Variants in NRIP1 observed in about 807,000 individuals in gnomAD.
NRIP1 encodes nuclear receptor interacting protein 1.
Under a neutral mutation model 75.0 loss-of-function variants are expected in NRIP1, and 28 were observed. The observed-to-expected ratio is 0.37, with a 90% CI of 0.28 to 0.51. The LOEUF is 0.51. Ranked by LOEUF, NRIP1 falls within the 20% of genes least tolerant of loss-of-function variation. The pLI is 0.92. For missense variants in NRIP1, 1,435 were observed against 1,343.7 expected, an observed-to-expected ratio of 1.07 and a Z score of -1.06; for synonymous variants, 526 against 487.6, an observed-to-expected ratio of 1.08 and a Z score of -1.04.
intron 1 of NRIP1, among the ~76,000 whole-genome samples, chr21:15,045,394 T>C (rs2089048728): frequency 6.6e-6 from 1 of 152,226 alleles, no homozygotes; most frequent in Non-Finnish European, 1.5e-5. Context: ...ACATAAAAGT[T>C]ATGTTTACAC....
chr21:15,028,816 C>A (rs945352395), intron 2 of NRIP1, among the ~76,000 whole-genome samples: 4 of 151,976 alleles, frequency 2.6e-5, no homozygotes, highest in African/African-American at 9.7e-5. Context: ...TGGTCAATAT[C>A]GTTCTTTTAA....
chr21:14,990,581 G>C lies in NRIP1; in HGVS notation c.-334-22055C>G, dbSNP rs151337489. Reference sequence around the variant, plus strand: ...TAACTAGAAGAAGGTAAGAGCCAGAGGGCAACAGTAAGAAACAGCCAAGAG... The same window carrying C: ...TAACTAGAAGAAGGTAAGAGCCAGACGGCAACAGTAAGAAACAGCCAAGAG... On this transcript the variant is annotated intron_variant, in intron 3 of 3. Transcript: ENST00000318948. Among the ~76,000 whole-genome samples, 1,192 of 152,286 alleles carry C rather than the reference G, an allele frequency of 7.8e-3. 11 individuals carry two copies. Among genetic ancestry groups the C allele is most frequent in the African/African-American group, 0.027 (1,127 of 41,572 alleles).
intron 3 of NRIP1, among the ~76,000 whole-genome samples, chr21:14,982,476 C>A (rs2087264619): frequency 6.6e-6 from 1 of 152,110 alleles, no homozygotes; most frequent in South Asian, 2.1e-4. Flanking sequence ...TGTTTACAGT[C>A]AAGCTAAACA....
At chr21:14,972,096 G>T (rs2086916840) in intron 3 of NRIP1, among the ~76,000 whole-genome samples, 1 of 152,140 alleles carries the variant, frequency 6.6e-6, no homozygotes, top group African/African-American at 2.4e-5. Flanking sequence ...ACCTACCACT[G>T]TTCTAGCAGA....
In NRIP1 at chr21:14,965,127, C is replaced by T; in HGVS notation, c.3066G>A (p.Gly1022=). 6.2e-7 allele frequency: 1 copy of T among 1,612,946 alleles called. No homozygotes were observed. Among genetic ancestry groups the T allele is most frequent in the Non-Finnish European group, 8.5e-7 (1 of 1,179,880 alleles). Residue 1022 remains glycine, a synonymous_variant, in exon 4 of 4, where the codon GGG becomes GGA. Transcript: ENST00000318948. ...PTFPEHLGCA[G]SRPESGLLNG... is the part of the protein sequence containing the mutation. The stretch of plus-strand genomic sequence containing the variant: ...TCAAAAGCCCAGATTCTGGTCTAGA[C>T]CCTGCACAGCCCAAGTGCTCAGGGA...
At chr21:14,971,590 T>A (rs1222307900) in intron 3 of NRIP1, 3 of 152,186 alleles carry the variant, frequency 2.0e-5, no homozygotes, top group Non-Finnish European at 4.4e-5. Context: ...ACCTTTAAGT[T>A]TCTAGAACAT....
At chr21:15,010,696 C>T (rs13050746) in intron 3 of NRIP1, among the ~76,000 whole-genome samples, 104,965 of 152,124 alleles carry the variant, frequency 0.69, 37,688 homozygotes, top group East Asian at 0.93. Context: ...GTAACACAAG[C>T]AAGCTGGAGT....
Position 14,967,518 on chromosome 21 carries a change from A to C in NRIP1, c.675T>G (p.Ser225Arg), listed in dbSNP as rs770705327. 1 of 1,614,148 alleles carries C rather than the reference A, an allele frequency of 6.2e-7. No homozygotes were observed. The highest frequency in any genetic ancestry group is 8.5e-7 in the Non-Finnish European group (1 of 1,180,012). ...FAESPHHVGQ[S>R]GTKVMSEPLS... Reference sequence around the variant, plus strand: ...ACGGTTCACTCATGACCTTTGTTCCACTTTGTCCAACATGATGAGGAGACT... The same window carrying C: ...ACGGTTCACTCATGACCTTTGTTCCCCTTTGTCCAACATGATGAGGAGACT... Residue 225 changes from serine (S) to arginine (R), a missense_variant, in exon 4 of 4, where the codon AGT (serine) becomes AGG (arginine). Transcript: ENST00000318948.
chr21:15,033,335 C>T (rs1038675491), intron 2 of NRIP1, among the ~76,000 whole-genome samples: 1 of 150,550 alleles, frequency 6.6e-6, no homozygotes. Context: ...GAATTTATTT[C>T]CATTTTACAG....
rs77448750 is a variant in NRIP1 at position 15,024,741 on chromosome 21, C to A, written c.-457-10275G>T. Among the ~76,000 whole-genome samples, 1,745 of 151,910 alleles carry A rather than the reference C, an allele frequency of 0.011. 170 individuals are homozygous for A. In the East Asian group the frequency reaches 0.24, roughly 20 times the overall value. On this transcript the variant is annotated intron_variant, in intron 2 of 3. Transcript: ENST00000318948. ...AAGAAATGATGTGGTATGGGGAATT[C>A]GAGCCCAAGCTCTAGATCTGTATTG...
In NRIP1 at chr21:14,965,278, C is replaced by T; in HGVS notation, c.2915G>A (p.Ser972Asn). ...KKGHKNNVTN[S>N]KPEFSISSLN... ...AGAAGAAATGCTAAATTCAGGTTTG[C>T]TGTTGGTCACATTATTTTTGTGTCC... The change falls in exon 4 of 4, where the codon AGC (serine) becomes AAC (asparagine). Residue 972 changes from serine to asparagine, a missense_variant. Physicochemically the swap from Ser to Asn is conservative, Grantham distance 46 (BLOSUM62 1). Transcript: ENST00000318948. 1 of 1,614,010 alleles carries T rather than the reference C, an allele frequency of 6.2e-7. No individual in the cohort carries two copies. Among genetic ancestry groups the T allele is most frequent in the Non-Finnish European group, 8.5e-7 (1 of 1,179,932 alleles).
intron 1 of NRIP1, among the ~76,000 whole-genome samples, chr21:15,056,481 C>G (rs866884926): frequency 6.6e-6 from 1 of 151,984 alleles, no homozygotes; most frequent in Non-Finnish European, 1.5e-5. Context: ...TATTTGGCTT[C>G]ACATAGATTC....
chr21:15,013,871 A>T lies in NRIP1; in HGVS notation c.-335+473T>A, dbSNP rs546093117. On this transcript the variant is annotated intron_variant, in intron 3 of 3. Coordinates refer to ENST00000318948, the MANE Select transcript of NRIP1 (RefSeq NM_003489.4). ...TATAATAAACACACAATAATCAAAC[A>T]TGCTTCTATTTTTCCTCAAAACGGT... is the stretch of plus-strand genomic sequence containing the variant. Among the ~76,000 whole-genome samples the T allele has an allele frequency of 5.1e-4, 78 of 152,324 alleles. 2 individuals carry two copies. The highest frequency in any genetic ancestry group is 2.7e-3 in the South Asian group (13 of 4,830).
intron 2 of NRIP1, among the ~76,000 whole-genome samples, chr21:15,020,318 C>T (rs1471546204): frequency 6.6e-6 from 1 of 152,096 alleles, no homozygotes; most frequent in African/African-American, 2.4e-5. Context: ...ATTTGATTTT[C>T]GACAAATATG....
chr21:15,019,580 C>G (rs544234529), intron 2 of NRIP1, among the ~76,000 whole-genome samples: 2 of 143,242 alleles, frequency 1.4e-5, no homozygotes, highest in South Asian at 2.3e-4. Context: ...CCTCTGCCTC[C>G]CAGGTTCAAG....
intron 1 of NRIP1, among the ~76,000 whole-genome samples, chr21:15,047,307 C>T (rs1414124839): frequency 1.3e-5 from 2 of 151,988 alleles, no homozygotes; most frequent in Non-Finnish European, 2.9e-5. Flanking sequence ...TTTGGGAGGC[C>T]GAGGCAGGCA....
intron 3 of NRIP1, among the ~76,000 whole-genome samples, chr21:14,973,614 G>T (rs542631538): frequency 6.6e-6 from 1 of 151,502 alleles, no homozygotes; most frequent in African/African-American, 2.4e-5. Context: ...TAACATTCAG[G>T]ATACCAAGAA....
At chr21:15,053,464 C>T (rs2089244330) in intron 1 of NRIP1, among the ~76,000 whole-genome samples, 1 of 152,104 alleles carries the variant, frequency 6.6e-6, no homozygotes. Flanking sequence ...AGATGTCATG[C>T]CTTAGCTACA....
At chr21:14,988,911 G>A (rs1202990278) in intron 3 of NRIP1, among the ~76,000 whole-genome samples, 1 of 152,138 alleles carries the variant, frequency 6.6e-6, no homozygotes, top group African/African-American at 2.4e-5. Context: ...ACAGAGAGAA[G>A]CAGAGATGAG....
Sources: gnomAD v4.1 joint callset for allele counts (sites outside exome capture counted in the v4.1 genomes callset) on GRCh38, gnomAD v4.1.1 for gene constraint, MANE v1.5 for transcripts, NCBI Gene and HGNC (gene_info 2026-07-23, HGNC 2026-07-21) for gene names.